Variants in MEGF8 observed in about 807,000 individuals in gnomAD.
The protein encoded by MEGF8 is multiple EGF like domains 8, also known as multiple epidermal growth factor-like domains protein 8.
A neutral mutation model predicts 302.9 loss-of-function variants in MEGF8; 156 were observed. That is an observed-to-expected ratio of 0.52 (90% confidence interval 0.45 to 0.59). MEGF8 has a LOEUF of 0.59. Ranked by LOEUF, MEGF8 falls within the 20% of genes least tolerant of loss-of-function variation. The probability of loss-of-function intolerance (pLI) is 0.00; values close to 1 mark genes in which losing one functional copy is unlikely to be tolerated. For synonymous variants in MEGF8, 1,621 were observed against 1,660.5 expected (o/e 0.98, Z 0.58); for missense variants, 3,345 against 3,964.5 (o/e 0.84, Z 4.20).
At chr19:42,326,548 C>A in intron 1 of MEGF8, 118 bp downstream of exon 1, 1 of 1,413,302 alleles carries the variant, frequency 7.1e-7, no homozygotes, top group Non-Finnish European at 9.2e-7. Flanking sequence ...CTCTAAAATG[C>A]CTGACACCCA....
At chr19:42,341,622 T>G (rs541610767) in intron 8 of MEGF8, among the ~76,000 whole-genome samples, 2 of 152,178 alleles carry the variant, frequency 1.3e-5, no homozygotes, top group South Asian at 4.2e-4. Context: ...AATATTTTTG[T>G]TTTTTAGAGA....
At chr19:42,367,428 A>T (rs1329356954) in intron 35 of MEGF8, among the ~76,000 whole-genome samples, 1 of 151,862 alleles carries the variant, frequency 6.6e-6, no homozygotes, top group Non-Finnish European at 1.5e-5. Flanking sequence ...AGCTGGGACT[A>T]CAGGCGCCCG....
At position 42,352,997 on chromosome 19, in the gene MEGF8, C is replaced by T; in HGVS notation, c.3420C>T (p.Gly1140=). The T allele has an allele frequency of 6.3e-7, 1 of 1,590,452 alleles. No individual in the cohort carries two copies. The highest frequency in any genetic ancestry group is 8.6e-7 in the Non-Finnish European group (1 of 1,169,140). ...ACTTTACCTGCGTGTGTGACCTAGG[C>T]TGGACATCAGACCTGCCCCCTCCCA... The part of the protein sequence containing the change: ...PPDFTCVCDL[G]WTSDLPPPTP... Residue 1140 remains glycine, a synonymous_variant, in exon 20 of 42, where the codon GGC becomes GGT. Coordinates refer to ENST00000251268, the MANE Select transcript of MEGF8 (RefSeq NM_001271938.2). The surrounding 1 kb of genome is among the most constrained non-coding windows in gnomAD (Gnocchi z 4.4).
rs565321934 is a variant in MEGF8 at position 42,375,867 on chromosome 19, C to G, written c.7630C>G (p.Arg2544Gly). ...ACCACCCCCTGCAGATGGTGGGCCCCGGGGGGCTGGGGATCCAGGAGGAGC... is the reference window on the plus strand; with the variant it reads ...ACCACCCCCTGCAGATGGTGGGCCCGGGGGGGCTGGGGATCCAGGAGGAGC... The part of the protein sequence containing the change: ...PPPPPADGGP[R>G]GAGDPGGAGA... Residue 2544 changes from arginine to glycine, a missense_variant, in exon 42 of 42, where the codon CGG (arginine) becomes GGG (glycine). Coordinates refer to ENST00000251268, the MANE Select transcript of MEGF8 (RefSeq NM_001271938.2). The surrounding 1 kb of genome is among the most constrained non-coding windows in gnomAD (Gnocchi z 7.1). The G allele has an allele frequency of 1.9e-6, 3 of 1,606,900 alleles. No homozygotes were observed. Among genetic ancestry groups the G allele is most frequent in the Admixed American group, 1.7e-5 (1 of 59,340 alleles).
chr19:42,351,532 C>G lies in MEGF8; in HGVS notation c.2959C>G (p.His987Asp), dbSNP rs752775785. The G allele has an allele frequency of 1.2e-5, 20 of 1,609,556 alleles. No homozygotes were observed. The highest frequency in any genetic ancestry group is 1.7e-5 in the Non-Finnish European group (20 of 1,178,204). The change falls in exon 17 of 42, where the codon CAC (histidine) becomes GAC (aspartate). Residue 987 changes from histidine (H) to aspartate (D), a missense_variant. Coordinates refer to ENST00000251268, the MANE Select transcript of MEGF8 (RefSeq NM_001271938.2). The surrounding 1 kb of genome is among the most constrained non-coding windows in gnomAD (Gnocchi z 5.6). Reference sequence around the variant, plus strand: ...TGCTGCCTACTTGGCCCGGTACCCACACGGGGGCTGTCGAGGCTGGGACGA... The same window carrying G: ...TGCTGCCTACTTGGCCCGGTACCCAGACGGGGGCTGTCGAGGCTGGGACGA... Reference protein sequence around the residue: ...LFAAYLARYPHGGCRGWDDSV... With the variant: ...LFAAYLARYPDGGCRGWDDSV...
At position 42,336,781 on chromosome 19, in the gene MEGF8, C is replaced by A. The variant is rs147028471; in HGVS notation, c.1245-26C>A. On this transcript the variant is annotated intron_variant, in intron 6 of 41. Transcript: ENST00000251268. The surrounding 1 kb of genome is among the most constrained non-coding windows in gnomAD (Gnocchi z 4.8). ...GGAGAGAGACGCTTCCTGCCCTGAG[C>A]CCCTGCCCTGCTTCTCCTTCGGTAG... 1 of 1,559,420 alleles carries A rather than the reference C, an allele frequency of 6.4e-7. No individual in the cohort carries two copies. The highest frequency in any genetic ancestry group is 8.7e-7 in the Non-Finnish European group (1 of 1,153,920).
rs377748543 is a variant in MEGF8 at position 42,376,287 on chromosome 19, C to T, written c.8050C>T (p.Arg2684Trp). Residue 2684 changes from arginine (R) to tryptophan (W), a missense_variant, in exon 42 of 42, where the codon CGG becomes TGG. By Grantham distance (101) the Arg-to-Trp change is moderately radical. Transcript: ENST00000251268. This position sits in a 1 kb window ranked among gnomAD's most constrained non-coding sequence, Gnocchi z 8.2. Reference protein sequence around the residue: ...QALDQRQEQRRHLQEMTKMAS... With the variant: ...QALDQRQEQRWHLQEMTKMAS... The stretch of plus-strand genomic sequence containing the variant: ...TCTGGACCAGCGGCAGGAGCAGCGC[C>T]GGCACTTGCAGGAGATGACCAAGAT... 451 of 1,612,076 alleles carry T rather than the reference C, an allele frequency of 2.8e-4. 1 individual carries two copies. The highest frequency in any genetic ancestry group is 3.7e-4 in the Non-Finnish European group (434 of 1,179,446).
chr19:42,359,196 G>A lies in MEGF8; in HGVS notation c.5442G>A (p.Leu1814=). ...CTGACGAGTTCAGCAGCGACGTTCT[G>A]CTCTACCAGGTCAACTGCAATGCCT... ...SDPDEFSSDV[L]LYQVNCNAWL... Residue 1814 remains leucine (L), a synonymous_variant, in exon 31 of 42, where the codon CTG becomes CTA. Coordinates refer to ENST00000251268, the MANE Select transcript of MEGF8 (RefSeq NM_001271938.2). 1.9e-6 allele frequency: 3 copies of A among 1,602,088 alleles called. No homozygotes were observed. The highest frequency in any genetic ancestry group is 2.6e-6 in the Non-Finnish European group (3 of 1,174,396).
chr19:42,347,783 CT>C (rs928995522), intron 12 of MEGF8, among the ~76,000 whole-genome samples: 34 of 146,884 alleles, frequency 2.3e-4, no homozygotes, highest in Middle Eastern at 3.5e-3. Context: ...CTTCATTCTT[CT>C]TTTTTTTTTT....
Position 42,369,756 on chromosome 19 carries a change from T to C in MEGF8, c.6834+33T>C. 1 of 1,562,398 alleles carries C rather than the reference T, an allele frequency of 6.4e-7. No individual in the cohort carries two copies. The highest frequency in any genetic ancestry group is 1.2e-5 in the South Asian group (1 of 86,246). ...GCCCGGAGCCTCAGACCCCCGACCC[T>C]GGGACCCAGGCCCTCACTTGCCTTC... is the stretch of plus-strand genomic sequence containing the variant. On this transcript the variant is annotated intron_variant, in intron 38 of 41. Coordinates refer to ENST00000251268, the MANE Select transcript of MEGF8 (RefSeq NM_001271938.2). This position sits in a 1 kb window ranked among gnomAD's most constrained non-coding sequence, Gnocchi z 5.7.
rs770495431 is a variant in MEGF8, at chr19:42,368,605, G to A, written c.6424G>A (p.Gly2142Arg). The change falls in exon 36 of 42, where the codon GGG (glycine) becomes AGG (arginine). Residue 2142 changes from glycine (G) to arginine (R), a missense_variant. Gly to Arg is a moderately radical substitution (Grantham distance 125). Transcript: ENST00000251268. The surrounding 1 kb of genome is among the most constrained non-coding windows in gnomAD (Gnocchi z 4.9). ...RRPHCGWCAWGGQDGGGRCME... is the reference protein window; with the variant it reads ...RRPHCGWCAWRGQDGGGRCME... ...CCCCCATTGCGGCTGGTGTGCCTGG[G>A]GGGGCCAGGATGGGGGTGGCCGCTG... 5.1e-6 allele frequency: 8 copies of A among 1,572,768 alleles called. No individual in the cohort carries two copies. Among genetic ancestry groups the A allele is most frequent in the South Asian group, 2.3e-5 (2 of 86,512 alleles).
rs753660883 is a variant in MEGF8, at chr19:42,344,728, G to A, written c.1992G>A (p.Ala664=). The change falls in exon 12 of 42, where the codon GCG becomes GCA. Residue 664 remains alanine (A), a synonymous_variant. Transcript: ENST00000251268. The surrounding 1 kb of genome is among the most constrained non-coding windows in gnomAD (Gnocchi z 4.5). The part of the protein sequence containing the change: ...ISGTVGWWGP[A]PVFVTSLEAC... Reference sequence around the variant, plus strand: ...GCACTGTGGGCTGGTGGGGGCCTGCGCCTGTCTTCGTCACGTCCCTGGAGG... The same window carrying A: ...GCACTGTGGGCTGGTGGGGGCCTGCACCTGTCTTCGTCACGTCCCTGGAGG... The A allele has an allele frequency of 3.5e-5, 56 of 1,611,074 alleles. No homozygotes were observed. Among genetic ancestry groups the A allele is most frequent in the South Asian group, 2.3e-4 (21 of 90,738 alleles).
Position 42,357,994 on chromosome 19 carries a change from C to T in MEGF8, c.5012-150C>T. The stretch of plus-strand genomic sequence containing the variant: ...GTCTCTAATGATTGTCCATTTGAAC[C>T]CAACTGAGAGGGACGGGTGGAGAGG... On this transcript the variant is annotated intron_variant, in intron 28 of 41. Coordinates refer to ENST00000251268, the MANE Select transcript of MEGF8 (RefSeq NM_001271938.2). This position sits in a 1 kb window ranked among gnomAD's most constrained non-coding sequence, Gnocchi z 5.2. The T allele has an allele frequency of 4.1e-6, 3 of 727,396 alleles. No individual in the cohort carries two copies. The highest frequency in any genetic ancestry group is 6.3e-6 in the Non-Finnish European group (3 of 473,594). 45.1% of individuals were successfully genotyped at this position (727,396 alleles called of 1,614,324 possible). A position where few individuals can be genotyped will look rare whatever the true frequency, so the allele number is the denominator to read the frequency against.
chr19:42,358,110 C>G lies in MEGF8; in HGVS notation c.5012-34C>G. 7 of 1,499,102 alleles carry G rather than the reference C, an allele frequency of 4.7e-6. No homozygotes were observed. Among genetic ancestry groups the G allele is most frequent in the Non-Finnish European group, 6.2e-6 (7 of 1,125,676 alleles). The allele number at this position is 1,499,102 out of a possible 1,614,324, so 92.9% of individuals were successfully genotyped here. ...CGGCGGGGTCAGTGCTGTTGTCAGC[C>G]CCTCCCCCAGCCTGTCACCCTGCCC... On this transcript the variant is annotated intron_variant, in intron 28 of 41. Transcript: ENST00000251268. The surrounding 1 kb of genome is among the most constrained non-coding windows in gnomAD (Gnocchi z 4.4).
Position 42,362,399 on chromosome 19 carries a change from T to A in MEGF8, c.5860T>A (p.Cys1954Ser). 1 of 1,613,904 alleles carries A rather than the reference T, an allele frequency of 6.2e-7. No individual in the cohort carries two copies. The highest frequency in any genetic ancestry group is 8.5e-7 in the Non-Finnish European group (1 of 1,179,876). ...PGDGEASTPR[C>S]KWCTNCPEGA... ...CCCTCACCAGGCGTCCACCCCCCGC[T>A]GTAAGTGGTGTACCAACTGCCCCGA... The change falls in exon 34 of 42, where the codon TGT becomes AGT. Residue 1954 changes from cysteine to serine, a missense_variant. Transcript: ENST00000251268.
chr19:42,347,362 G>T (rs1022345301), intron 12 of MEGF8, among the ~76,000 whole-genome samples: 5 of 148,974 alleles, frequency 3.4e-5, no homozygotes, highest in Non-Finnish European at 7.4e-5. Flanking sequence ...TATCGCCCAG[G>T]CTGGAGTGCA....
Position 42,375,820 on chromosome 19 carries a change from C to T in MEGF8, c.7583C>T (p.Pro2528Leu). ...DTGVHTVHIQ[P>L]PPAPPPPPPP... Reference sequence around the variant, plus strand: ...GGCGTCCATACTGTACACATCCAGCCACCCCCAGCCCCACCACCTCCACCA... The same window carrying T: ...GGCGTCCATACTGTACACATCCAGCTACCCCCAGCCCCACCACCTCCACCA... Residue 2528 changes from proline (P) to leucine (L), a missense_variant, in exon 42 of 42, where the codon CCA becomes CTA. Physicochemically the swap from Pro to Leu is moderately conservative, Grantham distance 98 (BLOSUM62 -3). Coordinates refer to ENST00000251268, the MANE Select transcript of MEGF8 (RefSeq NM_001271938.2). The surrounding 1 kb of genome is among the most constrained non-coding windows in gnomAD (Gnocchi z 7.1). 1.2e-6 allele frequency: 2 copies of T among 1,612,168 alleles called. No individual in the cohort carries two copies. Among genetic ancestry groups the T allele is most frequent in the Non-Finnish European group, 1.7e-6 (2 of 1,179,686 alleles).
chr19:42,368,323 C>G lies in MEGF8; in HGVS notation c.6274-132C>G. On this transcript the variant is annotated intron_variant, in intron 35 of 41. Transcript: ENST00000251268. This position sits in a 1 kb window ranked among gnomAD's most constrained non-coding sequence, Gnocchi z 4.9. ...ATGACCCCAGCTAGTGTCCACTTTG[C>G]TCTACCTGTGGCCAGGGAGGGGTGA... is the stretch of plus-strand genomic sequence containing the variant. The G allele has an allele frequency of 1.3e-6, 1 of 752,532 alleles. No homozygotes were observed. The highest frequency in any genetic ancestry group is 2.8e-5 in the East Asian group (1 of 35,890). The allele number at this position is 752,532 out of a possible 1,614,324, so 46.6% of individuals were successfully genotyped here.
At position 42,336,785 on chromosome 19, in the gene MEGF8, T is replaced by G. The variant is rs1234867894; in HGVS notation, c.1245-22T>G. 6.4e-7 allele frequency: 1 copy of G among 1,563,664 alleles called. No individual in the cohort carries two copies. Among genetic ancestry groups the G allele is most frequent in the Non-Finnish European group, 8.7e-7 (1 of 1,156,006 alleles). On this transcript the variant is annotated intron_variant, in intron 6 of 41. Transcript: ENST00000251268. This position sits in a 1 kb window ranked among gnomAD's most constrained non-coding sequence, Gnocchi z 4.8. ...AGAGACGCTTCCTGCCCTGAGCCCC[T>G]GCCCTGCTTCTCCTTCGGTAGGTTC...
Sources: allele counts gnomAD v4.1 joint callset (sites outside exome capture counted in the v4.1 genomes callset), GRCh38; gene constraint gnomAD v4.1.1; non-coding constraint Gnocchi (gnomAD v3.1); transcripts MANE v1.5; gene names NCBI Gene and HGNC (gene_info 2026-07-23, HGNC 2026-07-21).